The following PLSCR2 variants were observed in gnomAD, a reference collection of about 807,000 sequenced individuals.
The protein encoded by PLSCR2 is PL scramblase 2.
PLSCR2 carries 18 observed loss-of-function variants against 25.3 expected under a neutral mutation model. That is an observed-to-expected ratio of 0.71 (90% CI 0.49 to 1.06). PLSCR2 has a LOEUF of 1.06. PLSCR2 is among the 50% of genes least tolerant of loss of function. PLSCR2 has a pLI of 0.00. For synonymous variants in PLSCR2, 88 were observed against 87.3 expected, an observed-to-expected ratio of 1.01 and a Z score of -0.04; for missense variants, 243 against 269.5, an observed-to-expected ratio of 0.90 and a Z score of 0.69.
chr3:146,455,310 C>A, exon 4 of PLSCR2: 1 of 1,613,998 alleles, frequency 6.2e-7, no homozygotes, highest in Non-Finnish European at 8.5e-7. Context: ...ACTTCTCGAC[C>A]CACATTATCA....
At chr3:146,469,470 G>T in intron 1 of PLSCR2, 25 bp downstream of exon 1, 1 of 964,632 alleles carries the variant, frequency 1.0e-6, no homozygotes, top group Non-Finnish European at 1.2e-6. Context: ...CCATAGGGAG[G>T]CGACTGAGAA....
At chr3:146,410,758 C>G (rs578159781) in intron 2 of PLSCR2, among the ~76,000 whole-genome samples, 6 of 152,294 alleles carry the variant, frequency 3.9e-5, no homozygotes, top group African/African-American at 1.4e-4. Flanking sequence ...GGCATCTAAA[C>G]AGTTATAACA....
downstream of PLSCR2, among the ~76,000 whole-genome samples, chr3:146,431,464 A>G (rs2039543041): frequency 6.6e-6 from 1 of 152,208 alleles, no homozygotes; most frequent in South Asian, 2.1e-4. Context: ...ACATGATTAA[A>G]GCAGCAAGTT....
exon 1 of PLSCR2, chr3:146,460,331 C>A: frequency 1.8e-6 from 1 of 548,060 alleles, no homozygotes; most frequent in Non-Finnish European, 2.6e-6. Context: ...ATGTAAAACT[C>A]AGATAGAAAA....
chr3:146,425,089 C>G (rs1445594648), intron 2 of PLSCR2, among the ~76,000 whole-genome samples: 1 of 117,752 alleles, frequency 8.5e-6, no homozygotes, highest in African/African-American at 3.0e-5. Flanking sequence ...ACAACAAAAT[C>G]TAAAAGTTAC....
chr3:146,417,404 AACAT>A (rs1343242513), intron 2 of PLSCR2, among the ~76,000 whole-genome samples: 1 of 109,882 alleles, frequency 9.1e-6, no homozygotes, highest in African/African-American at 3.0e-5. Context: ...ACAAAGAAGA[AACAT>A]ACTTTGAAAA....
At chr3:146,437,281 C>T (rs987461897), downstream of PLSCR2, among the ~76,000 whole-genome samples, 1 of 152,150 alleles carries the variant, frequency 6.6e-6, no homozygotes, top group Non-Finnish European at 1.5e-5. Flanking sequence ...CAGGATGATG[C>T]TGGCCTCATA....
chr3:146,492,887 G>A (rs1259567220), intron 1 of PLSCR2, among the ~76,000 whole-genome samples: 1 of 151,652 alleles, frequency 6.6e-6, no homozygotes, highest in African/African-American at 2.4e-5. Flanking sequence ...GAAAAATCAA[G>A]CTTGCTTTGA....
At chr3:146,465,389 T>C (rs2041814863), upstream of PLSCR2, among the ~76,000 whole-genome samples, 1 of 152,172 alleles carries the variant, frequency 6.6e-6, no homozygotes, top group Admixed American at 6.5e-5. Context: ...GAAAATTTTT[T>C]GTTTTACTGC....
intron 1 of PLSCR2, among the ~76,000 whole-genome samples, chr3:146,470,919 T>C (rs1203545062): frequency 3.3e-5 from 5 of 152,230 alleles, no homozygotes; most frequent in Admixed American, 3.3e-4. Flanking sequence ...AGAGGATTTT[T>C]ATGATGATTA....
intron 1 of PLSCR2, among the ~76,000 whole-genome samples, chr3:146,475,000 G>A (rs1267300601): frequency 1.3e-5 from 2 of 151,712 alleles, no homozygotes; most frequent in African/African-American, 4.8e-5. Flanking sequence ...GGTGGTTTTT[G>A]TTCCTCCCTA....
intron 2 of PLSCR2, among the ~76,000 whole-genome samples, chr3:146,403,807 C>T (rs2038559662): frequency 6.6e-6 from 1 of 152,152 alleles, no homozygotes; most frequent in African/African-American, 2.4e-5. Context: ...TGGTAAGGGC[C>T]TTCTTACTAC....
At chr3:146,446,574 C>T (rs2040566347) in intron 6 of PLSCR2, among the ~76,000 whole-genome samples, 1 of 152,100 alleles carries the variant, frequency 6.6e-6, no homozygotes, top group South Asian at 2.1e-4. Context: ...CCCATGTGAC[C>T]ACCACCACTA....
chr3:146,451,280 A>C (rs1239430660), intron 5 of PLSCR2, among the ~76,000 whole-genome samples: 1 of 151,504 alleles, frequency 6.6e-6, no homozygotes. Context: ...ACGCCTGGCT[A>C]ATTTTTGTAT....
chr3:146,456,930 ATGT>A (rs1461021781), intron 3 of PLSCR2, among the ~76,000 whole-genome samples: 9 of 152,064 alleles, frequency 5.9e-5, no homozygotes, highest in East Asian at 1.9e-4. Context: ...TATAAATATA[ATGT>A]TGTATAATGT....
chr3:146,460,134 A>G (rs1370276903), intron 1 of PLSCR2, 51 bp from the exon 2 acceptor site: 54 of 1,417,822 alleles, frequency 3.8e-5, no homozygotes, highest in Non-Finnish European at 5.0e-5. Flanking sequence ...AAAGTCATCA[A>G]TCCTTTTTAG....
chr3:146,434,240 G>A (rs750383557), intron 8 of PLSCR2, among the ~76,000 whole-genome samples: 7 of 152,026 alleles, frequency 4.6e-5, no homozygotes, highest in African/African-American at 1.7e-4. Flanking sequence ...ATACCTGAAT[G>A]GCTCTGGGCA....
downstream of PLSCR2, among the ~76,000 whole-genome samples, chr3:146,437,893 T>C (rs560349412): frequency 2.6e-3 from 391 of 152,374 alleles, 3 homozygotes; most frequent in African/African-American, 8.9e-3. Context: ...TCTTTCCTGC[T>C]TTCTCTTGTG....
upstream of PLSCR2, chr3:146,462,005 T>C (rs371781615): frequency 1.7e-4 from 147 of 860,020 alleles, no homozygotes; most frequent in African/African-American, 2.0e-3. Flanking sequence ...TTTAGTATTA[T>C]AGGGAGGAAA....
Sources: allele counts gnomAD v4.1 joint callset (sites outside exome capture counted in the v4.1 genomes callset), GRCh38; gene constraint gnomAD v4.1.1; transcripts MANE v1.5; gene names NCBI Gene and HGNC (gene_info 2026-07-23, HGNC 2026-07-21).